MED15: variants seen among roughly 807,000 people sequenced by gnomAD.
MED15 encodes the protein mediator of RNA polymerase II transcription subunit 15.
Under a neutral mutation model 118.7 loss-of-function variants are expected in MED15, and 41 were observed. The observed-to-expected ratio is 0.35, with a 90% CI of 0.27 to 0.45. The LOEUF is 0.45. Among genes scored for constraint, MED15 ranks in the 20% least tolerant of loss-of-function variants. MED15 has a pLI of 1.00. For missense variants in MED15, 740 were observed against 1,025.5 expected, an observed-to-expected ratio of 0.72 and a Z score of 3.80; for synonymous variants, 436 against 413.9, an observed-to-expected ratio of 1.05 and a Z score of -0.65.
Position 20,585,235 on chromosome 22 carries a change from A to G in MED15, c.2099A>G (p.Asn700Ser), listed in dbSNP as rs1359199212. 1.9e-6 allele frequency: 3 copies of G among 1,613,532 alleles called. No homozygotes were observed. The highest frequency in any genetic ancestry group is 1.3e-5 in the African/African-American group (1 of 74,916). The change falls in exon 16 of 18, where the codon AAC becomes AGC. Residue 700 changes from asparagine (N) to serine (S), a missense_variant. Around this residue, in one of 7 missense-constraint regions of MED15, gnomAD observed 179 missense variants for 259.0 expected, o/e 0.69. Coordinates refer to ENST00000263205, the MANE Select transcript of MED15 (RefSeq NM_001003891.3). ...AACCTGGACCCTTCTCACTGCAGCA[A>G]CAATGGCACTGTCCACCTGATCTGC... ...LVNLDPSHCS[N>S]NGTVHLICKL... is the part of the protein sequence containing the mutation.
intron 5 of MED15, among the ~76,000 whole-genome samples, chr22:20,555,626 T>C (rs1014299262): frequency 2.0e-5 from 3 of 152,242 alleles, no homozygotes; most frequent in Non-Finnish European, 4.4e-5. Context: ...CTGTGTCCTC[T>C]CCACACGGCT....
chr22:20,533,978 A>T (rs988395349), intron 1 of MED15, among the ~76,000 whole-genome samples: 1 of 152,174 alleles, frequency 6.6e-6, no homozygotes, highest in Non-Finnish European at 1.5e-5. Flanking sequence ...GGGGCCTGCC[A>T]GTCTGCTGAC....
intron 1 of MED15, among the ~76,000 whole-genome samples, chr22:20,520,497 C>T (rs2054407784): frequency 6.6e-6 from 1 of 152,204 alleles, no homozygotes; most frequent in African/African-American, 2.4e-5. Context: ...GCATTCAGGC[C>T]AACCAAAGAA....
At chr22:20,532,644 C>T (rs1234089070) in intron 1 of MED15, among the ~76,000 whole-genome samples, 1 of 152,160 alleles carries the variant, frequency 6.6e-6, no homozygotes. Context: ...TCTGGCTGGT[C>T]GCAACCAGGG....
intron 1 of MED15, chr22:20,508,104 G>A: frequency 1.6e-6 from 2 of 1,274,690 alleles, no homozygotes; most frequent in South Asian, 1.5e-5. Context: ...GTTTAGCAGG[G>A]CTGGGTGCTT....
At chr22:20,526,473 T>C (rs886299259) in intron 1 of MED15, among the ~76,000 whole-genome samples, 1 of 152,234 alleles carries the variant, frequency 6.6e-6, no homozygotes, top group African/African-American at 2.4e-5. Context: ...ACTTTCTGCA[T>C]AAATCGGTAA....
chr22:20,585,734 A>G lies in MED15; in HGVS notation c.2138A>G (p.Lys713Arg), dbSNP rs768430985. 1.1e-5 allele frequency: 17 copies of G among 1,613,204 alleles called. No individual in the cohort carries two copies. The highest frequency in any genetic ancestry group is 4.5e-5 in the East Asian group (2 of 44,880). The change falls in exon 17 of 18, where the codon AAG becomes AGG. Residue 713 changes from lysine to arginine, a missense_variant. Physicochemically the swap from Lys to Arg is conservative, Grantham distance 26. This residue lies in a region of MED15 where 179 missense variants were observed against 259.0 expected (regional missense o/e 0.69). Transcript: ENST00000263205. ...TVHLICKLDD[K>R]DLPSVPPLEL... The stretch of plus-strand genomic sequence containing the variant: ...AGAGCCTTCTGTGTTGCAGATGACA[A>G]GGACCTCCCAAGTGTGCCACCACTG...
At chr22:20,582,265 G>T in intron 9 of MED15, 1 of 396,942 alleles carries the variant, frequency 2.5e-6, no homozygotes, top group South Asian at 2.6e-5. Flanking sequence ...AGGCAGGCGT[G>T]TCAGGGAAGG....
rs746240328 is a variant in MED15 at position 20,511,988 on chromosome 22, C to CTTTTTTTTTTTTTT, written c.68+4246_68+4259dup. Among the ~76,000 whole-genome samples the CTTTTTTTTTTTTTT allele has an allele frequency of 1.2e-4, 11 of 92,200 alleles. 2 individuals are homozygous for CTTTTTTTTTTTTTT. Among genetic ancestry groups the CTTTTTTTTTTTTTT allele is most frequent in the African/African-American group, 2.2e-4 (4 of 18,562 alleles). The allele number at this position is 92,200 out of a possible 152,430, so 60.5% of individuals were successfully genotyped here. On this transcript the variant is annotated intron_variant, in intron 1 of 17. Coordinates refer to ENST00000263205, the MANE Select transcript of MED15 (RefSeq NM_001003891.3). Reference sequence around the variant, plus strand: ...CTTTCAGCTTCTTGAACATTCTAAGCTTTTTTTTTTTTTTTTTGGAGACAA... The same window carrying CTTTTTTTTTTTTTT: ...CTTTCAGCTTCTTGAACATTCTAAGCTTTTTTTTTTTTTTTTTTTTTTTTTTTTTTTGGAGACAA...
chr22:20,581,089 A>G (rs165838), intron 9 of MED15, among the ~76,000 whole-genome samples: 144,726 of 152,290 alleles, frequency 0.95, 68,914 homozygotes, highest in African/African-American at 0.99. Context: ...TGCTGGAAGT[A>G]CCCTGTTGTG....
chr22:20,530,669 G>T (rs2054821284), intron 1 of MED15, among the ~76,000 whole-genome samples: 1 of 152,188 alleles, frequency 6.6e-6, no homozygotes, highest in African/African-American at 2.4e-5. Context: ...GGTTGTGGAA[G>T]GAAGAGTCAG....
chr22:20,545,045 C>T (rs1338807583), intron 2 of MED15, among the ~76,000 whole-genome samples: 1 of 152,134 alleles, frequency 6.6e-6, no homozygotes, highest in African/African-American at 2.4e-5. Context: ...ACCTTTTTCT[C>T]AAATAAGGTA....
intron 6 of MED15, among the ~76,000 whole-genome samples, chr22:20,565,019 A>G (rs165874): frequency 0.45 from 67,921 of 152,100 alleles, 15,532 homozygotes; most frequent in East Asian, 0.52. Context: ...CAGCTATTTG[A>G]GAGGCTGAGG....
At position 20,575,137 on chromosome 22, in the gene MED15, G is replaced by A; in HGVS notation, c.1177G>A (p.Gly393Ser). 2 of 1,614,152 alleles carry A rather than the reference G, an allele frequency of 1.2e-6. No individual in the cohort carries two copies. The highest frequency in any genetic ancestry group is 2.2e-5 in the East Asian group (1 of 44,884). The change falls in exon 9 of 18, where the codon GGT becomes AGT. Residue 393 changes from glycine (G) to serine (S), a missense_variant. By Grantham distance (56) the Gly-to-Ser change is moderately conservative. This residue lies in a region of MED15 where 384 missense variants were observed against 506.3 expected (regional missense o/e 0.76). Coordinates refer to ENST00000263205, the MANE Select transcript of MED15 (RefSeq NM_001003891.3). ...VQMITEALAQ[G>S]GMHIRARFPP... ...GATGATCACGGAAGCCTTGGCCCAAGGTGGGATGCACATAAGAGCCCGGTT... is the reference window on the plus strand; with the variant it reads ...GATGATCACGGAAGCCTTGGCCCAAAGTGGGATGCACATAAGAGCCCGGTT...
intron 5 of MED15, among the ~76,000 whole-genome samples, chr22:20,561,824 C>T (rs537038465): frequency 2.8e-4 from 43 of 151,830 alleles, no homozygotes; most frequent in African/African-American, 9.2e-4. Flanking sequence ...AGACCAACCT[C>T]GGCAAAATAG....
In MED15 at chr22:20,553,164, T is replaced by C; in HGVS notation, c.228T>C (p.Ala76=). ...FRDIHNKKSQ[A]SVSDPMNALQ... ...ATATAGATAACAAGAAATCTCAAGC[T>C]TCCGTCAGTGGTAAGAGTTTTCCCT... The change falls in exon 4 of 18, where the codon GCT becomes GCC. Residue 76 remains alanine (A), a synonymous_variant. Coordinates refer to ENST00000263205, the MANE Select transcript of MED15 (RefSeq NM_001003891.3). 1 of 1,611,932 alleles carries C rather than the reference T, an allele frequency of 6.2e-7. No homozygotes were observed.
chr22:20,586,505 G>T, intron 17 of MED15, 63 bp from the exon 18 acceptor site: 1 of 1,583,438 alleles, frequency 6.3e-7, no homozygotes, highest in Non-Finnish European at 8.6e-7. Flanking sequence ...GAGCACTGCC[G>T]GGTGTGCCAG....
chr22:20,545,461 G>A (rs773821697), intron 2 of MED15, among the ~76,000 whole-genome samples: 6 of 125,690 alleles, frequency 4.8e-5, no homozygotes, highest in Non-Finnish European at 7.9e-5. Flanking sequence ...GTGACAGAGC[G>A]AGACTCCACC....
chr22:20,553,786 G>T (rs924994080), intron 4 of MED15, among the ~76,000 whole-genome samples: 2 of 152,136 alleles, frequency 1.3e-5, no homozygotes, highest in African/African-American at 2.4e-5. Context: ...CATGAGAATC[G>T]CTTGAACCTG....
Sources: gnomAD v4.1 joint callset for allele counts (sites outside exome capture counted in the v4.1 genomes callset) on GRCh38, gnomAD v4.1.1 for gene constraint, gnomAD v4.1.1 regional missense constraint, MANE v1.5 for transcripts, NCBI Gene and HGNC (gene_info 2026-07-23, HGNC 2026-07-21) for gene names.